Variants in LIPA observed in about 807,000 individuals in gnomAD.
LIPA encodes lipase A, lysosomal acid type.
A neutral mutation model predicts 40.6 loss-of-function variants in LIPA; 26 were observed. The observed-to-expected ratio is 0.64, with a 90% CI of 0.47 to 0.89. The LOEUF is 0.89. Ranked by LOEUF, LIPA falls within the 40% of genes least tolerant of loss-of-function variation. The pLI is 0.00. For synonymous variants in LIPA, 188 were observed against 168.4 expected (o/e 1.12, Z -0.90); for missense variants, 455 against 479.6 (o/e 0.95, Z 0.48).
intron 2 of LIPA, among the ~76,000 whole-genome samples, chr10:89,363,869 A>G (rs1011725663): frequency 7.2e-5 from 11 of 152,004 alleles, no homozygotes; most frequent in Non-Finnish European, 1.3e-4. Flanking sequence ...GCTTTACTGA[A>G]TTGGCTAACA....
At chr10:89,323,328 A>G (rs1843581621) in intron 1 of LIPA, among the ~76,000 whole-genome samples, 1 of 152,200 alleles carries the variant, frequency 6.6e-6, no homozygotes, top group Admixed American at 6.5e-5. Context: ...ACCCAAGGTC[A>G]ACATCATACT....
upstream of LIPA, among the ~76,000 whole-genome samples, chr10:89,345,531 AAAATAAATAAATAAATAAAT>A (rs3063811): frequency 3.4e-5 from 5 of 148,600 alleles, no homozygotes; most frequent in East Asian, 3.9e-4. Flanking sequence ...TCCATCTCAA[AAAATAAATAAATAAATAAAT>A]AAATAAATAA....
rs370489231 is a variant in LIPA, at chr10:89,306,308, G to A, written c.-2+36303C>T. On this transcript the variant is annotated intron_variant, in intron 1 of 5. Transcript: ENST00000282673. ...ACTCTCAGACGTTCAGATTTATGTA[G>A]ACAAGGTGAAACATGTCTGTGAGAA... 1.9e-6 allele frequency: 3 copies of A among 1,614,006 alleles called. No individual in the cohort carries two copies. In the African/African-American group the frequency reaches 4.0e-5, roughly 22 times the overall value.
chr10:89,214,029 G>A lies in LIPA; in HGVS notation c.*799C>T, dbSNP rs527671966. 2 of 152,296 alleles carry A rather than the reference G, an allele frequency of 1.3e-5. No homozygotes were observed. Among genetic ancestry groups the A allele is most frequent in the Non-Finnish European group, 2.9e-5 (2 of 68,042 alleles). 9.4% of individuals were successfully genotyped at this position (152,296 alleles called of 1,614,324 possible). A position where few individuals can be genotyped will look rare whatever the true frequency, so the allele number is the denominator to read the frequency against. On this transcript the variant is annotated 3_prime_UTR_variant, in exon 10 of 10. Coordinates refer to ENST00000336233, the MANE Select transcript of LIPA (RefSeq NM_000235.4). ...TAATCTCAGAAAAAATAGTGGTATA[G>A]TCTCCACAGGGATTTGCTTCTCAGA...
rs901748863 is a variant in LIPA at position 89,311,781 on chromosome 10, G to A, written c.-2+30830C>T. 4.6e-5 allele frequency among the ~76,000 whole-genome samples: 7 copies of A among 152,312 alleles called. No homozygotes were observed. The East Asian group carries it at 1.3e-3, about 29-fold the overall frequency. ...GGAAATTATTATTTCCACTAGCAAT[G>A]TATGAGAAATACTGTTTTCAGCATC... On this transcript the variant is annotated intron_variant, in intron 1 of 5. Coordinates refer to the LIPA transcript ENST00000282673.
chr10:89,315,414 C>G (rs1020507252), intron 1 of LIPA, among the ~76,000 whole-genome samples: 1 of 152,144 alleles, frequency 6.6e-6, no homozygotes, highest in African/African-American at 2.4e-5. Flanking sequence ...GTTGGAAACA[C>G]CATATGTCAT....
At chr10:89,348,630 C>T (rs1471634704) in intron 2 of LIPA, among the ~76,000 whole-genome samples, 1 of 152,190 alleles carries the variant, frequency 6.6e-6, no homozygotes, top group Non-Finnish European at 1.5e-5. Context: ...ACGCTTAAGA[C>T]CCTATTTTTG....
At position 89,305,022 on chromosome 10, in the gene LIPA, A is replaced by G. The variant is rs1358677629; in HGVS notation, c.-2+37589T>C. 2.6e-5 allele frequency among the ~76,000 whole-genome samples: 4 copies of G among 152,240 alleles called. No homozygotes were observed. In the South Asian group the frequency reaches 8.3e-4, roughly 32 times the overall value. On this transcript the variant is annotated intron_variant, in intron 1 of 5. Coordinates refer to the LIPA transcript ENST00000282673. The stretch of plus-strand genomic sequence containing the variant: ...AAAAAAAATTAAAACAATAAAGTAC[A>G]AAATTATTAATAGAGCAACTCAATG...
chr10:89,368,828 A>T (rs1319838517), intron 2 of LIPA, among the ~76,000 whole-genome samples: 2 of 152,062 alleles, frequency 1.3e-5, no homozygotes, highest in African/African-American at 4.8e-5. Context: ...TCCAAAGTAG[A>T]CAGAGAAAGA....
At chr10:89,292,342 C>T (rs1843379391) in intron 1 of LIPA, 2 of 152,268 alleles carry the variant, frequency 1.3e-5, no homozygotes, top group South Asian at 4.2e-4. Flanking sequence ...GGAGTAGCAT[C>T]CCAGTTTCTC....
intron 1 of LIPA, chr10:89,293,679 TGAGAGAGAGAGAGAGA>T (rs72229492): frequency 6.9e-6 from 1 of 145,106 alleles, no homozygotes; most frequent in South Asian, 2.2e-4. Flanking sequence ...CTGTGTGAGA[TGAGAGAGAGAGAGAGA>T]GAGAGAGAGA....
At chr10:89,309,794 C>T (rs2133525271) in intron 1 of LIPA, among the ~76,000 whole-genome samples, 1 of 152,266 alleles carries the variant, frequency 6.6e-6, no homozygotes, top group Non-Finnish European at 1.5e-5. Flanking sequence ...GCTCCAGTTT[C>T]CTGAAATTTC....
chr10:89,256,183 A>ACAGAG (rs1352161945), upstream of LIPA, among the ~76,000 whole-genome samples: 1 of 152,230 alleles, frequency 6.6e-6, no homozygotes, highest in East Asian at 1.9e-4. Context: ...CCTCCACAAG[A>ACAGAG]CAGAGCAGAG....
At chr10:89,289,322 T>G (rs1328897510) in intron 1 of LIPA, among the ~76,000 whole-genome samples, 1 of 152,240 alleles carries the variant, frequency 6.6e-6, no homozygotes, top group Non-Finnish European at 1.5e-5. Context: ...CATGGAAATC[T>G]ATCCTTAAGG....
At chr10:89,215,173 C>T (rs1368768059) in intron 9 of LIPA, 112 bp from the exon 10 acceptor site, 2 of 825,106 alleles carry the variant, frequency 2.4e-6, no homozygotes, top group African/African-American at 1.7e-5. Flanking sequence ...GACTAACAGA[C>T]TAAATTTTTA....
At chr10:89,374,765 G>A (rs1844110701) in intron 2 of LIPA, among the ~76,000 whole-genome samples, 1 of 152,214 alleles carries the variant, frequency 6.6e-6, no homozygotes, top group South Asian at 2.1e-4. Context: ...AGAGCTGAGA[G>A]GAAATGAGTC....
chr10:89,239,429 C>T (rs1391007626), intron 3 of LIPA, among the ~76,000 whole-genome samples: 2 of 152,218 alleles, frequency 1.3e-5, no homozygotes, highest in Non-Finnish European at 2.9e-5. Context: ...GAGAGTTCAC[C>T]TGATGATTCA....
At chr10:89,255,310 T>A (rs773463031), upstream of LIPA, among the ~76,000 whole-genome samples, 7 of 152,114 alleles carry the variant, frequency 4.6e-5, no homozygotes, top group Non-Finnish European at 8.8e-5. Flanking sequence ...GCAGCAGACA[T>A]GAGAGGATAT....
At chr10:89,374,727 T>C (rs1844110495) in intron 2 of LIPA, among the ~76,000 whole-genome samples, 1 of 152,160 alleles carries the variant, frequency 6.6e-6, no homozygotes, top group Non-Finnish European at 1.5e-5. Flanking sequence ...TCCTAGAAGC[T>C]TCCCATCTGA....
Sources: gnomAD v4.1 joint callset for allele counts (sites outside exome capture counted in the v4.1 genomes callset) on GRCh38, gnomAD v4.1.1 for gene constraint, MANE v1.5 for transcripts, NCBI Gene and HGNC (gene_info 2026-07-23, HGNC 2026-07-21) for gene names.